RPL35: variants seen among roughly 807,000 people sequenced by gnomAD.
RPL35 encodes ribosomal protein L35.
RPL35 carries 2 observed loss-of-function variants against 15.6 expected under a neutral mutation model. The ratio of observed to expected loss-of-function variants is 0.13; its 90% CI spans 0.05 to 0.40. RPL35 has a LOEUF of 0.40. RPL35 is among the 10% of genes least tolerant of loss of function. The pLI is 0.99. For missense variants in RPL35, 111 were observed against 164.7 expected, an observed-to-expected ratio of 0.67 and a Z score of 1.79; for synonymous variants, 93 against 67.9, an observed-to-expected ratio of 1.37 and a Z score of -1.82.
intron 2 of RPL35, 70 bp from the exon 3 acceptor site, chr9:124,860,334 T>C (rs774903183): frequency 4.0e-5 from 51 of 1,274,820 alleles, no homozygotes; most frequent in Admixed American, 5.0e-5. Context: ...GACTCACACA[T>C]AGGGCAGCAA....
chr9:124,861,581 A>G (rs1458142999), intron 1 of RPL35, 26 bp from the exon 2 acceptor site: 3 of 1,611,278 alleles, frequency 1.9e-6, no homozygotes, highest in Non-Finnish European at 2.5e-6. Context: ...AGTGTGCCTC[A>G]GCCAGGCCGC....
chr9:124,861,678 G>T, intron 1 of RPL35, 123 bp from the exon 2 acceptor site: 2 of 1,437,180 alleles, frequency 1.4e-6, no homozygotes, highest in South Asian at 2.6e-5. Flanking sequence ...CCCCAACCAG[G>T]GCTCAGGACA....
chr9:124,858,261 TGTAA>T (rs1829138486), intron 3 of RPL35, 194 bp from the exon 4 acceptor site: 7 of 624,388 alleles, frequency 1.1e-5, no homozygotes, highest in Non-Finnish European at 2.0e-5. Flanking sequence ...CCTCATTTCA[TGTAA>T]GTCTGCTGAC....
intron 3 of RPL35, chr9:124,858,370 G>GAGGACAGT: frequency 1.5e-6 from 1 of 646,382 alleles, no homozygotes. Context: ...TCCTTCCACT[G>GAGGACAGT]CCCGATTCCC....
chr9:124,861,951 G>T lies in RPL35; in HGVS notation c.-39C>A, dbSNP rs763659479. The T allele has an allele frequency of 1.3e-6, 2 of 1,594,426 alleles. No individual in the cohort carries two copies. Among genetic ancestry groups the T allele is most frequent in the South Asian group, 2.3e-5 (2 of 88,558 alleles). ...GCCAACGCCGCCGCCCGCTCCGAGGGAAAGAGGAAGTAGGCGGGGCTGACC... is the reference window on the plus strand; with the variant it reads ...GCCAACGCCGCCGCCCGCTCCGAGGTAAAGAGGAAGTAGGCGGGGCTGACC... On this transcript the variant is annotated 5_prime_UTR_variant, in exon 1 of 4. Coordinates refer to ENST00000348462, the MANE Select transcript of RPL35 (RefSeq NM_007209.4).
At chr9:124,861,815 G>C in intron 1 of RPL35, 95 bp downstream of exon 1, 1 of 1,513,570 alleles carries the variant, frequency 6.6e-7, no homozygotes, top group African/African-American at 1.4e-5. Flanking sequence ...CACAGGCCTA[G>C]GTGGCAGATA....
Position 124,857,931 on chromosome 9 carries a change from G to A in RPL35, c.359C>T (p.Ala120Val), listed in dbSNP as rs760565730. The change falls in exon 4 of 4, where the codon GCG becomes GTG. Residue 120 changes from alanine to valine, a missense_variant. Ala to Val is a moderately conservative substitution (Grantham distance 64). Coordinates refer to ENST00000348462, the MANE Select transcript of RPL35 (RefSeq NM_007209.4). ...ACAATGCGCCCCTCAGGCCTTGACCGCGTACTTCCGCAGCGGGTACAGCCG... is the reference window on the plus strand; with the variant it reads ...ACAATGCGCCCCTCAGGCCTTGACCACGTACTTCCGCAGCGGGTACAGCCG... ...KERLYPLRKY[A>V]VKA 31 of 1,612,132 alleles carry A rather than the reference G, an allele frequency of 1.9e-5. No homozygotes were observed. The highest frequency in any genetic ancestry group is 1.2e-4 in the South Asian group (11 of 91,008).
chr9:124,859,287 T>A (rs939311408), intron 3 of RPL35, among the ~76,000 whole-genome samples: 1 of 152,264 alleles, frequency 6.6e-6, no homozygotes, highest in African/African-American at 2.4e-5. Context: ...GTTATAGGCC[T>A]GTGGCACTTC....
At chr9:124,858,549 T>G (rs1457398887) in intron 3 of RPL35, 15 of 713,484 alleles carry the variant, frequency 2.1e-5, no homozygotes, top group Non-Finnish European at 3.9e-5. Context: ...TGTATGAACG[T>G]CCAGCCTCAG....
intron 3 of RPL35, among the ~76,000 whole-genome samples, chr9:124,859,048 A>G (rs890094076): frequency 2.0e-5 from 3 of 152,190 alleles, no homozygotes; most frequent in Non-Finnish European, 4.4e-5. Context: ...CACATTGGCT[A>G]ACCCCCTAGA....
intron 3 of RPL35, among the ~76,000 whole-genome samples, chr9:124,858,901 C>T (rs1829153381): frequency 9.5e-6 from 1 of 104,830 alleles, no homozygotes; most frequent in African/African-American, 3.2e-5. Flanking sequence ...GGGCCCCAGG[C>T]CCCTGCAGGT....
rs533686146 is a variant in RPL35, at chr9:124,857,941, G to T, written c.349C>A (p.Arg117=). The T allele has an allele frequency of 1.1e-5, 17 of 1,612,218 alleles. 1 individual carries two copies. In the Admixed American group the frequency reaches 2.8e-4, roughly 27 times the overall value. Residue 117 remains arginine, a synonymous_variant, in exon 4 of 4, where the codon CGG becomes AGG. Coordinates refer to ENST00000348462, the MANE Select transcript of RPL35 (RefSeq NM_007209.4). ...QQRKERLYPL[R]KYAVKA is the part of the protein sequence containing the mutation. Reference sequence around the variant, plus strand: ...CCTCAGGCCTTGACCGCGTACTTCCGCAGCGGGTACAGCCGCTCCTTCCGC... The same window carrying T: ...CCTCAGGCCTTGACCGCGTACTTCCTCAGCGGGTACAGCCGCTCCTTCCGC...
Position 124,861,491 on chromosome 9 carries a change from T to C in RPL35, c.68A>G (p.Asp23Gly). 1.2e-6 allele frequency: 2 copies of C among 1,614,036 alleles called. No individual in the cohort carries two copies. Among genetic ancestry groups the C allele is most frequent in the Non-Finnish European group, 1.7e-6 (2 of 1,180,002 alleles). Reference protein sequence around the residue: ...KKEELLKQLDDLKVELSQLRV... With the variant: ...KKEELLKQLDGLKVELSQLRV... ...CAGCTGGGACAGCTCCACCTTCAGGTCGTCCAGCTGTTTCAGCAGCTCCTC... is the reference window on the plus strand; with the variant it reads ...CAGCTGGGACAGCTCCACCTTCAGGCCGTCCAGCTGTTTCAGCAGCTCCTC... The change falls in exon 2 of 4, where the codon GAC becomes GGC. Residue 23 changes from aspartate (D) to glycine (G), a missense_variant. Asp to Gly is a moderately conservative substitution (Grantham distance 94). Transcript: ENST00000348462.
intron 2 of RPL35, among the ~76,000 whole-genome samples, chr9:124,860,719 AT>A (rs2131325633): frequency 6.6e-6 from 1 of 152,300 alleles, no homozygotes; most frequent in African/African-American, 2.4e-5. Context: ...TCATGTCAGG[AT>A]GAGGGAGTCA....
chr9:124,858,715 A>T (rs910520640), intron 3 of RPL35, among the ~76,000 whole-genome samples: 2 of 152,168 alleles, frequency 1.3e-5, no homozygotes, highest in Non-Finnish European at 2.9e-5. Flanking sequence ...GGCAGCTCTC[A>T]CTGGTCTCTC....
chr9:124,861,656 A>G (rs1829199496), intron 1 of RPL35, 101 bp from the exon 2 acceptor site: 1 of 1,509,606 alleles, frequency 6.6e-7, no homozygotes, highest in South Asian at 1.2e-5. Flanking sequence ...ATCGACTACG[A>G]GTGCGCCGGA....
chr9:124,861,669 C>T, intron 1 of RPL35, 114 bp from the exon 2 acceptor site: 2 of 1,481,984 alleles, frequency 1.3e-6, no homozygotes, highest in South Asian at 1.3e-5. Flanking sequence ...GCGCCGGAGC[C>T]CCAACCAGGG....
intron 2 of RPL35, chr9:124,860,865 AG>A (rs1185961321): frequency 6.3e-6 from 1 of 158,230 alleles, no homozygotes; most frequent in East Asian, 1.8e-4. Flanking sequence ...TTTTGGAGAC[AG>A]GGTCTCACCT....
In RPL35 at chr9:124,861,575, T is replaced by C; in HGVS notation, c.4-20A>G. 6.2e-7 allele frequency: 1 copy of C among 1,612,364 alleles called. No individual in the cohort carries two copies. The highest frequency in any genetic ancestry group is 8.5e-7 in the Non-Finnish European group (1 of 1,179,254). ...CTTGGCCTGCGCGCAAGAGAGAGTG[T>C]GCCTCAGCCAGGCCGCGGGGCCATA... is the stretch of plus-strand genomic sequence containing the variant. On this transcript the variant is annotated intron_variant, in intron 1 of 3. Transcript: ENST00000348462.
Sources: gnomAD v4.1 joint callset for allele counts (sites outside exome capture counted in the v4.1 genomes callset) on GRCh38, gnomAD v4.1.1 for gene constraint, MANE v1.5 for transcripts, NCBI Gene and HGNC (gene_info 2026-07-23, HGNC 2026-07-21) for gene names.